The following SGK3 variants were observed in gnomAD, a reference collection of about 807,000 sequenced individuals.
The protein encoded by SGK3 is serine/threonine-protein kinase Sgk3.
Under a neutral mutation model 68.5 loss-of-function variants are expected in SGK3, and 47 were observed. The ratio of observed to expected loss-of-function variants is 0.69; its 90% CI spans 0.54 to 0.87. The LOEUF (loss-of-function observed/expected upper bound fraction) is 0.87, where lower values mean the gene tolerates loss of function less well. Among genes scored for constraint, SGK3 ranks in the 40% least tolerant of loss-of-function variants. The pLI, the probability that SGK3 is intolerant of heterozygous loss-of-function variation, is 0.00. For synonymous variants in SGK3, 181 were observed against 189.1 expected (o/e 0.96, Z 0.35); for missense variants, 479 against 575.5 (o/e 0.83, Z 1.72).
intron 2 of SGK3, among the ~76,000 whole-genome samples, chr8:66,796,198 G>A (rs1462511610): frequency 1.3e-5 from 2 of 151,712 alleles, no homozygotes; most frequent in Admixed American, 6.6e-5. Context: ...GTGCAGTGGT[G>A]CAGTCTTGGC....
At chr8:66,812,233 CA>C (rs1808406869) in intron 4 of SGK3, among the ~76,000 whole-genome samples, 1 of 152,086 alleles carries the variant, frequency 6.6e-6, no homozygotes, top group African/African-American at 2.4e-5. Flanking sequence ...GACAGTTTCT[CA>C]AATCAAATGT....
In SGK3 at chr8:66,768,150, A is replaced by T. The variant is rs559111191; in HGVS notation, c.-121-25466A>T. Reference sequence around the variant, plus strand: ...ACAATGGTATACTTCCATGTCTCTAATGCTAGCTTTTATAATACTGTTGTC... The same window carrying T: ...ACAATGGTATACTTCCATGTCTCTATTGCTAGCTTTTATAATACTGTTGTC... On this transcript the variant is annotated intron_variant, in intron 1 of 16. Transcript: ENST00000521198. 62 of 365,514 alleles carry T rather than the reference A, an allele frequency of 1.7e-4. 2 individuals carry two copies. Among genetic ancestry groups the T allele is most frequent in the South Asian group, 1.6e-3 (56 of 34,780 alleles). 22.6% of individuals were successfully genotyped at this position (365,514 alleles called of 1,614,324 possible).
At chr8:66,834,409 G>A (rs945677603) in intron 8 of SGK3, among the ~76,000 whole-genome samples, 1 of 152,202 alleles carries the variant, frequency 6.6e-6, no homozygotes, top group Non-Finnish European at 1.5e-5. Flanking sequence ...TTGAGAAGGA[G>A]AAGGGTGAGT....
chr8:66,720,781 T>TTATATATATA (rs758419858), intron 1 of SGK3, among the ~76,000 whole-genome samples: 4,704 of 146,172 alleles, frequency 0.032, 339 homozygotes, highest in African/African-American at 0.12. Context: ...AAAAAAAAAA[T>TTATATATATA]TATATATATA....
chr8:66,859,589 G>A lies in SGK3; in HGVS notation c.*8G>A. 6.2e-7 allele frequency: 1 copy of A among 1,605,004 alleles called. No individual in the cohort carries two copies. The highest frequency in any genetic ancestry group is 2.2e-5 in the East Asian group (1 of 44,728). ...GAAGACTTATTTTTGTGAGCAGTTTGCCATTCAGAAACCATTGAGCAAAAT... is the reference window on the plus strand; with the variant it reads ...GAAGACTTATTTTTGTGAGCAGTTTACCATTCAGAAACCATTGAGCAAAAT... On this transcript the variant is annotated 3_prime_UTR_variant, in exon 17 of 17. Transcript: ENST00000521198.
intron 2 of SGK3, among the ~76,000 whole-genome samples, chr8:66,795,874 T>G (rs1385943249): frequency 6.6e-6 from 1 of 152,170 alleles, no homozygotes; most frequent in Non-Finnish European, 1.5e-5. Flanking sequence ...CATTTTATGT[T>G]TGTTTATATG....
intron 1 of SGK3, among the ~76,000 whole-genome samples, chr8:66,792,461 G>A (rs1239320583): frequency 6.6e-6 from 1 of 151,944 alleles, no homozygotes; most frequent in East Asian, 1.9e-4. Flanking sequence ...AATATTCAAT[G>A]CCTGCTGATA....
chr8:66,857,175 GAA>G (rs1157483175), intron 16 of SGK3, among the ~76,000 whole-genome samples: 1 of 152,098 alleles, frequency 6.6e-6, no homozygotes, highest in Non-Finnish European at 1.5e-5. Context: ...ATTTGATGAG[GAA>G]AAAACCATAC....
At chr8:66,767,440 AG>A (rs1806352532) in intron 1 of SGK3, 1 of 1,387,280 alleles carries the variant, frequency 7.2e-7, no homozygotes, top group African/African-American at 1.4e-5. Context: ...TTCAACATCC[AG>A]GGTCAACAGA....
At chr8:66,858,047 C>T (rs1053314266) in intron 16 of SGK3, among the ~76,000 whole-genome samples, 6 of 152,046 alleles carry the variant, frequency 3.9e-5, no homozygotes, top group South Asian at 4.2e-4. Flanking sequence ...TAACCAAGAA[C>T]CTAATTAAAT....
At chr8:66,791,752 C>G (rs1585721696) in intron 1 of SGK3, among the ~76,000 whole-genome samples, 1 of 152,114 alleles carries the variant, frequency 6.6e-6, no homozygotes, top group Non-Finnish European at 1.5e-5. Flanking sequence ...AATGTCTCTG[C>G]TGTAGGAGGA....
intron 16 of SGK3, among the ~76,000 whole-genome samples, chr8:66,855,032 A>G (rs570910607): frequency 5.4e-4 from 82 of 152,280 alleles, no homozygotes; most frequent in African/African-American, 1.9e-3. Context: ...GTGTGGTGGC[A>G]CGCACCTGTG....
intron 1 of SGK3, among the ~76,000 whole-genome samples, chr8:66,788,535 C>G (rs1389829794): frequency 1.3e-5 from 2 of 152,174 alleles, no homozygotes; most frequent in African/African-American, 2.4e-5. Context: ...GAGGCATAGG[C>G]TCAAGGGTTA....
At chr8:66,843,792 G>A (rs1376449971) in intron 14 of SGK3, among the ~76,000 whole-genome samples, 2 of 152,048 alleles carry the variant, frequency 1.3e-5, no homozygotes, top group Non-Finnish European at 2.9e-5. Flanking sequence ...CCAGGAGTTC[G>A]AGACCAGCCT....
At chr8:66,770,934 T>C (rs1806490244) in intron 1 of SGK3, among the ~76,000 whole-genome samples, 1 of 152,238 alleles carries the variant, frequency 6.6e-6, no homozygotes, top group Non-Finnish European at 1.5e-5. Flanking sequence ...GTAAGGTATC[T>C]GAAAGTAGTA....
intron 16 of SGK3, among the ~76,000 whole-genome samples, chr8:66,851,483 T>C (rs1356119746): frequency 1.3e-5 from 2 of 151,776 alleles, no homozygotes; most frequent in African/African-American, 4.8e-5. Context: ...ATTGCACCAC[T>C]GCACTCCAGC....
At chr8:66,749,280 G>C (rs4613982) in intron 1 of SGK3, among the ~76,000 whole-genome samples, 208 of 152,080 alleles carry the variant, frequency 1.4e-3, no homozygotes, top group African/African-American at 4.7e-3. Flanking sequence ...TTGGGAGGCC[G>C]AGGCGGGCGG....
intron 5 of SGK3, among the ~76,000 whole-genome samples, chr8:66,814,998 T>G (rs557945484): frequency 6.6e-6 from 1 of 152,222 alleles, no homozygotes; most frequent in Non-Finnish European, 1.5e-5. Context: ...CACCTATCTC[T>G]GTAAACTAAA....
intron 1 of SGK3, among the ~76,000 whole-genome samples, chr8:66,791,417 C>CT (rs1004374677): frequency 1.3e-5 from 2 of 152,128 alleles, no homozygotes; most frequent in Non-Finnish European, 2.9e-5. Flanking sequence ...AAACTGGAAC[C>CT]TTTGGCTCAG....
Sources: gnomAD v4.1 joint callset for allele counts (sites outside exome capture counted in the v4.1 genomes callset) on GRCh38, gnomAD v4.1.1 for gene constraint, MANE v1.5 for transcripts, NCBI Gene and HGNC (gene_info 2026-07-23, HGNC 2026-07-21) for gene names.